The following CPSF6 variants were observed in gnomAD, a reference collection of about 807,000 sequenced individuals.
CPSF6 encodes cleavage and polyadenylation specific factor 6, also known as cleavage and polyadenylation specificity factor subunit 6.
A neutral mutation model predicts 56.7 loss-of-function variants in CPSF6; 10 were observed. The observed-to-expected ratio is 0.18, with a 90% CI of 0.11 to 0.30. The LOEUF is 0.30. Among genes scored for constraint, CPSF6 ranks in the 10% least tolerant of loss-of-function variants. The probability of loss-of-function intolerance (pLI) is 1.00; values close to 1 mark genes in which losing one functional copy is unlikely to be tolerated. For synonymous variants in CPSF6, 248 were observed against 244.8 expected (o/e 1.01, Z -0.12); for missense variants, 419 against 722.9 (o/e 0.58, Z 4.82).
At chr12:69,239,846 T>C in intron 1 of CPSF6, 140 bp downstream of exon 1, 1 of 667,144 alleles carries the variant, frequency 1.5e-6, no homozygotes, top group Non-Finnish European at 2.1e-6. Context: ...CGCCGACCCC[T>C]GGCGTGGCGC....
At position 69,258,527 on chromosome 12, in the gene CPSF6, T is replaced by A. The variant is rs1872602678; in HGVS notation, c.695-63T>A. The A allele has an allele frequency of 1.3e-6, 2 of 1,494,158 alleles. No homozygotes were observed. The highest frequency in any genetic ancestry group is 1.8e-6 in the Non-Finnish European group (2 of 1,118,538). 92.6% of individuals were successfully genotyped at this position (1,494,158 alleles called of 1,614,324 possible). ...GCGTTTAAAGTATAATCTTGGCATA[T>A]AAAAGTTAAAATATCTTATTAGTGA... On this transcript the variant is annotated intron_variant, in intron 5 of 9. Transcript: ENST00000435070. This position sits in a 1 kb window ranked among gnomAD's most constrained non-coding sequence, Gnocchi z 4.2.
intron 1 of CPSF6, among the ~76,000 whole-genome samples, chr12:69,246,996 CA>C (rs1338435401): frequency 1.3e-5 from 2 of 151,754 alleles, no homozygotes; most frequent in Non-Finnish European, 2.9e-5. Flanking sequence ...TTAGAACCAT[CA>C]AAAAAATATC....
chr12:69,259,176 A>G, intron 6 of CPSF6, 82 bp downstream of exon 6: 3 of 1,431,178 alleles, frequency 2.1e-6, no homozygotes, highest in Non-Finnish European at 2.8e-6. Context: ...TAGGTATATA[A>G]ATATGTTATT....
intron 3 of CPSF6, among the ~76,000 whole-genome samples, chr12:69,253,556 C>G (rs1057216551): frequency 2.6e-5 from 4 of 152,126 alleles, no homozygotes; most frequent in South Asian, 2.1e-4. Context: ...GTGGGATAGC[C>G]TCAGCATGAG....
chr12:69,264,830 C>T (rs1872896906), intron 9 of CPSF6, among the ~76,000 whole-genome samples: 1 of 152,100 alleles, frequency 6.6e-6, no homozygotes, highest in African/African-American at 2.4e-5. Flanking sequence ...TGATCACCAT[C>T]ATAATAAGGT....
chr12:69,241,266 T>A (rs1871601545), intron 1 of CPSF6, among the ~76,000 whole-genome samples: 1 of 152,194 alleles, frequency 6.6e-6, no homozygotes, highest in Admixed American at 6.5e-5. Context: ...ATGTTTTAAA[T>A]AATAATACTT....
chr12:69,253,772 C>T (rs1266212063), intron 3 of CPSF6, among the ~76,000 whole-genome samples: 1 of 152,094 alleles, frequency 6.6e-6, no homozygotes, highest in Non-Finnish European at 1.5e-5. Context: ...TCTCTAATGT[C>T]TAATTCTTTT....
At chr12:69,244,863 CCTT>C (rs1425718635) in intron 1 of CPSF6, among the ~76,000 whole-genome samples, 5 of 152,080 alleles carry the variant, frequency 3.3e-5, no homozygotes, top group African/African-American at 9.7e-5. Flanking sequence ...AGGATAACTG[CCTT>C]CTTCTGTAAT....
At chr12:69,242,707 A>G (rs980028785) in intron 1 of CPSF6, among the ~76,000 whole-genome samples, 2 of 152,260 alleles carry the variant, frequency 1.3e-5, no homozygotes, top group African/African-American at 2.4e-5. Flanking sequence ...TCACAGTAGC[A>G]TATCAATTCA....
rs1020814694 is a variant in CPSF6, at chr12:69,274,251, A to G, written c.*4743A>G. The G allele has an allele frequency of 1.1e-4, 17 of 151,708 alleles. No homozygotes were observed. Among genetic ancestry groups the G allele is most frequent in the Non-Finnish European group, 2.1e-4 (14 of 67,872 alleles). 9.4% of individuals were successfully genotyped at this position (151,708 alleles called of 1,614,324 possible). A position where few individuals can be genotyped will look rare whatever the true frequency, so the allele number is the denominator to read the frequency against. On this transcript the variant is annotated 3_prime_UTR_variant, in exon 10 of 10. Transcript: ENST00000435070. ...TTTGTCTTTCCTTTCTTTAGCATTT[A>G]GGTGACTGTTCGGCAGTTTGATATA... is the stretch of plus-strand genomic sequence containing the variant.
At chr12:69,266,383 G>T (rs1872984254) in intron 9 of CPSF6, among the ~76,000 whole-genome samples, 1 of 152,172 alleles carries the variant, frequency 6.6e-6, no homozygotes, top group Admixed American at 6.5e-5. Flanking sequence ...GGAGTAGGAA[G>T]TGATCCCTTG....
chr12:69,250,105 TTAC>T (rs1872152283), intron 1 of CPSF6, among the ~76,000 whole-genome samples: 6 of 152,098 alleles, frequency 3.9e-5, no homozygotes, highest in African/African-American at 1.2e-4. Flanking sequence ...TGTTCATTTA[TTAC>T]GACATTTTGA....
rs1057088101 is a variant in CPSF6 at position 69,258,491 on chromosome 12, G to A, written c.695-99G>A. The stretch of plus-strand genomic sequence containing the variant: ...TTTAATTTAAAGACAAAGACTTGGT[G>A]TATGCTCTATGCGTTTAAAGTATAA... On this transcript the variant is annotated intron_variant, in intron 5 of 9. Transcript: ENST00000435070. This position sits in a 1 kb window ranked among gnomAD's most constrained non-coding sequence, Gnocchi z 4.2. The A allele has an allele frequency of 8.2e-7, 1 of 1,221,232 alleles. No individual in the cohort carries two copies. Among genetic ancestry groups the A allele is most frequent in the Non-Finnish European group, 1.1e-6 (1 of 892,092 alleles). The allele number at this position is 1,221,232 out of a possible 1,614,324, so 75.6% of individuals were successfully genotyped here.
rs3051105 is a variant in CPSF6 at position 69,272,869 on chromosome 12, AGTGTGTGTGTGTGTGTGT to A, written c.*3372_*3389del. The A allele has an allele frequency of 1.3e-5, 2 of 153,636 alleles. No individual in the cohort carries two copies. The highest frequency in any genetic ancestry group is 5.0e-5 in the African/African-American group (2 of 40,020). The allele number at this position is 153,636 out of a possible 1,614,324, so 9.5% of individuals were successfully genotyped here. A position where few individuals can be genotyped will look rare whatever the true frequency, so the allele number is the denominator to read the frequency against. On this transcript the variant is annotated 3_prime_UTR_variant, in exon 10 of 10. Transcript: ENST00000435070. ...AAGCATTCTATTTTTCTGTTCTTAC[AGTGTGTGTGTGTGTGTGT>A]GTGTGTGTGTATGCGTTTTTTTAAC...
chr12:69,241,335 T>A (rs1871606258), intron 1 of CPSF6, among the ~76,000 whole-genome samples: 1 of 152,202 alleles, frequency 6.6e-6, no homozygotes, highest in Admixed American at 6.5e-5. Context: ...TTCTAACGCT[T>A]ATAAGACCTC....
intron 9 of CPSF6, among the ~76,000 whole-genome samples, chr12:69,264,976 A>G (rs1320632619): frequency 2.0e-5 from 3 of 152,148 alleles, no homozygotes. Context: ...ATAAAATACT[A>G]ATGTAATCTA....
At chr12:69,265,649 C>G (rs935562406) in intron 9 of CPSF6, among the ~76,000 whole-genome samples, 7 of 131,032 alleles carry the variant, frequency 5.3e-5, no homozygotes, top group Non-Finnish European at 1.1e-4. Context: ...GTTGCCCAGT[C>G]TAGAGTGCAG....
At chr12:69,252,205 C>T in intron 2 of CPSF6, 3 of 415,916 alleles carry the variant, frequency 7.2e-6, no homozygotes, top group South Asian at 5.1e-5. Flanking sequence ...CTCCAAGTAG[C>T]TAGGACCACA....
chr12:69,257,083 C>T (rs2120554772), intron 4 of CPSF6, among the ~76,000 whole-genome samples: 1 of 152,320 alleles, frequency 6.6e-6, no homozygotes, highest in South Asian at 2.1e-4. Flanking sequence ...TGTGCAAGTT[C>T]TATAGCCCTG....
Sources: allele counts gnomAD v4.1 joint callset (sites outside exome capture counted in the v4.1 genomes callset), GRCh38; gene constraint gnomAD v4.1.1; non-coding constraint Gnocchi (gnomAD v3.1); transcripts MANE v1.5; gene names NCBI Gene and HGNC (gene_info 2026-07-23, HGNC 2026-07-21).